The following IL6ST variants were observed in gnomAD, a reference collection of about 807,000 sequenced individuals.
IL6ST encodes the protein interleukin-6 receptor subunit beta.
Under a neutral mutation model 91.3 loss-of-function variants are expected in IL6ST, and 24 were observed. The ratio of observed to expected loss-of-function variants is 0.26; its 90% CI spans 0.19 to 0.37. The LOEUF (loss-of-function observed/expected upper bound fraction) is 0.37. Among genes scored for constraint, IL6ST ranks in the 10% least tolerant of loss-of-function variants. The probability of loss-of-function intolerance (pLI) is 1.00; values close to 1 mark genes in which losing one functional copy is unlikely to be tolerated. For missense variants in IL6ST, 914 were observed against 1,078.5 expected (o/e 0.85, Z 2.14); for synonymous variants, 351 against 373.6 (o/e 0.94, Z 0.70).
chr5:55,988,096 AC>A (rs1754079803), intron 1 of IL6ST, among the ~76,000 whole-genome samples: 1 of 149,390 alleles, frequency 6.7e-6, no homozygotes, highest in Admixed American at 6.8e-5. Context: ...GCACCACTGC[AC>A]TCCAGCCTGG....
Position 55,939,008 on chromosome 5 carries a change from A to G in IL6ST, c.*2074T>C, listed in dbSNP as rs1440199589. The G allele has an allele frequency of 9.8e-6, 2 of 205,090 alleles. No individual in the cohort carries two copies. Among genetic ancestry groups the G allele is most frequent in the Non-Finnish European group, 2.0e-5 (2 of 100,204 alleles). The allele number at this position is 205,090 out of a possible 1,614,324, so 12.7% of individuals were successfully genotyped here. On this transcript the variant is annotated 3_prime_UTR_variant, in exon 17 of 17. Transcript: ENST00000381298. The stretch of plus-strand genomic sequence containing the variant: ...TGTAGATTAAGAGTTCATATTGTAT[A>G]TCTGACCCTGAAATGTACAAACTTC...
At chr5:55,985,070 T>C (rs1388985917) in intron 1 of IL6ST, among the ~76,000 whole-genome samples, 1 of 152,254 alleles carries the variant, frequency 6.6e-6, no homozygotes, top group Non-Finnish European at 1.5e-5. Context: ...ATTCTGGCCT[T>C]TATTAGAAAA....
At chr5:55,959,093 C>T (rs1156289431) in intron 8 of IL6ST, among the ~76,000 whole-genome samples, 1 of 152,120 alleles carries the variant, frequency 6.6e-6, no homozygotes, top group Admixed American at 6.6e-5. Context: ...ACTTCATTCA[C>T]GCATTGATTT....
intron 7 of IL6ST, among the ~76,000 whole-genome samples, chr5:55,961,465 G>C (rs1295231947): frequency 3.3e-5 from 5 of 151,958 alleles, no homozygotes; most frequent in African/African-American, 1.2e-4. Flanking sequence ...ACCCTAAGTT[G>C]AAAGACAGCC....
chr5:55,989,147 A>T (rs969752082), intron 1 of IL6ST, among the ~76,000 whole-genome samples: 21 of 138,934 alleles, frequency 1.5e-4, no homozygotes, highest in Non-Finnish European at 3.1e-4. Flanking sequence ...AAAAAAAAAA[A>T]GTCTCGCAGA....
chr5:55,979,918 G>T (rs982487844), intron 2 of IL6ST, among the ~76,000 whole-genome samples: 1 of 152,152 alleles, frequency 6.6e-6, no homozygotes, highest in Non-Finnish European at 1.5e-5. Context: ...CCAAAACCAT[G>T]TAAATGTAAA....
chr5:55,960,709 C>T (rs1366104509), intron 7 of IL6ST, 148 bp from the exon 8 acceptor site: 7 of 608,930 alleles, frequency 1.1e-5, no homozygotes, highest in Non-Finnish European at 1.1e-5. Context: ...CTCAACACAA[C>T]CTCTACCTCT....
rs3039924 is a variant in IL6ST at position 55,974,956 on chromosome 5, T to TACACACACACAC, written c.64+1247_64+1258dup. Among the ~76,000 whole-genome samples, 24 of 114,624 alleles carry TACACACACACAC rather than the reference T, an allele frequency of 2.1e-4. No individual in the cohort carries two copies. The East Asian group carries it at 2.3e-3, about 11-fold the overall frequency. The allele number at this position is 114,624 out of a possible 152,430, so 75.2% of individuals were successfully genotyped here. ...ATTCATACACACACACACACACACA[T>TACACACACACAC]ACACACACACACACACACACACACA... On this transcript the variant is annotated intron_variant, in intron 3 of 16. Transcript: ENST00000381298.
chr5:55,983,857 AAT>A (rs1753800616), intron 1 of IL6ST, among the ~76,000 whole-genome samples: 1 of 152,168 alleles, frequency 6.6e-6, no homozygotes, highest in African/African-American at 2.4e-5. Context: ...GTAAGTGAGA[AAT>A]GTTTTATAAC....
intron 15 of IL6ST, among the ~76,000 whole-genome samples, chr5:55,946,828 A>G (rs1372897753): frequency 6.6e-6 from 1 of 151,498 alleles, no homozygotes; most frequent in African/African-American, 2.4e-5. Context: ...AAAAAAAAAA[A>G]GGGAGAAGTA....
rs1182036174 is a variant in IL6ST, at chr5:55,940,111, GA to G, written c.*970del. ...TCTACCCAGTACTCTGAAGTCTTAAGAAAAGTCAATGATATGTGTGTGTATA... is the reference window on the plus strand; with the variant it reads ...TCTACCCAGTACTCTGAAGTCTTAAGAAAGTCAATGATATGTGTGTGTATA... On this transcript the variant is annotated 3_prime_UTR_variant, in exon 17 of 17. Transcript: ENST00000381298. 1 of 143,904 alleles carries G rather than the reference GA, an allele frequency of 6.9e-6. No individual in the cohort carries two copies. Among genetic ancestry groups the G allele is most frequent in the Non-Finnish European group, 1.4e-5 (1 of 71,816 alleles). The allele number at this position is 143,904 out of a possible 1,614,324, so 8.9% of individuals were successfully genotyped here.
Position 55,940,045 on chromosome 5 carries a change from AAC to A in IL6ST, c.*1035_*1036del, listed in dbSNP as rs929538805. ...ATTTAAAAATAAAAAAAATACTCAA[AAC>A]AAATTTAAGCTGAAGATATATACTG... On this transcript the variant is annotated 3_prime_UTR_variant, in exon 17 of 17. Transcript: ENST00000381298. 2.0e-5 allele frequency: 4 copies of A among 197,996 alleles called. No homozygotes were observed. In the Admixed American group the frequency reaches 2.4e-4, roughly 12 times the overall value. The allele number at this position is 197,996 out of a possible 1,614,324, so 12.3% of individuals were successfully genotyped here. A position where few individuals can be genotyped will look rare whatever the true frequency, so the allele number is the denominator to read the frequency against.
intron 11 of IL6ST, among the ~76,000 whole-genome samples, chr5:55,953,579 T>G (rs1261759735): frequency 6.6e-6 from 1 of 152,136 alleles, no homozygotes; most frequent in Non-Finnish European, 1.5e-5. Flanking sequence ...AGAGACGGAG[T>G]TTATCCACAT....
At chr5:55,964,766 G>A (rs1014178042) in intron 5 of IL6ST, among the ~76,000 whole-genome samples, 4 of 152,040 alleles carry the variant, frequency 2.6e-5, no homozygotes, top group African/African-American at 7.2e-5. Flanking sequence ...CCTCTTTCTA[G>A]TCAAACTTAG....
intron 1 of IL6ST, among the ~76,000 whole-genome samples, chr5:55,991,124 T>C (rs1327399233): frequency 6.6e-6 from 1 of 152,238 alleles, no homozygotes; most frequent in Non-Finnish European, 1.5e-5. Context: ...CACATTTTCT[T>C]AATCCAGTCT....
At position 55,936,319 on chromosome 5, in the gene IL6ST, T is replaced by C. The variant is rs1449088500; in HGVS notation, c.*4763A>G. The C allele has an allele frequency of 4.5e-6, 1 of 220,242 alleles. No homozygotes were observed. The highest frequency in any genetic ancestry group is 9.0e-6 in the Non-Finnish European group (1 of 110,916). 13.6% of individuals were successfully genotyped at this position (220,242 alleles called of 1,614,324 possible). A position where few individuals can be genotyped will look rare whatever the true frequency, so the allele number is the denominator to read the frequency against. On this transcript the variant is annotated 3_prime_UTR_variant, in exon 17 of 17. Coordinates refer to ENST00000381298, the MANE Select transcript of IL6ST (RefSeq NM_002184.4). ...CAAGATGGCGCAGCACCTCCATACT[T>C]GGGCTCTTGACAACCAAGTAGGTTT... is the stretch of plus-strand genomic sequence containing the variant.
chr5:55,956,764 A>G (rs1752002279), intron 9 of IL6ST, among the ~76,000 whole-genome samples: 1 of 152,212 alleles, frequency 6.6e-6, no homozygotes, highest in African/African-American at 2.4e-5. Context: ...CATATAAAGC[A>G]TTACCTTTCT....
chr5:55,962,016 T>C (rs549453218), intron 7 of IL6ST, among the ~76,000 whole-genome samples: 2 of 152,316 alleles, frequency 1.3e-5, no homozygotes, highest in Admixed American at 1.3e-4. Context: ...AAAGTTTTCC[T>C]GGCTTTTAAA....
chr5:55,981,524 T>A (rs1753670884), intron 2 of IL6ST, among the ~76,000 whole-genome samples: 1 of 152,062 alleles, frequency 6.6e-6, no homozygotes, highest in Admixed American at 6.6e-5. Flanking sequence ...ACACCTATAG[T>A]CCCAGCTACT....
Sources: allele counts gnomAD v4.1 joint callset (sites outside exome capture counted in the v4.1 genomes callset), GRCh38; gene constraint gnomAD v4.1.1; transcripts MANE v1.5; gene names NCBI Gene and HGNC (gene_info 2026-07-23, HGNC 2026-07-21).